The following SLC2A13 variants were observed in gnomAD, a reference collection of about 807,000 sequenced individuals.
SLC2A13 encodes the protein proton myo-inositol cotransporter.
SLC2A13 carries 32 observed loss-of-function variants against 64.4 expected under a neutral mutation model. The observed-to-expected ratio is 0.50, with a 90% confidence interval of 0.37 to 0.67. The LOEUF (loss-of-function observed/expected upper bound fraction) is 0.67. SLC2A13 is among the 30% of genes least tolerant of loss of function. The pLI is 0.00. For synonymous variants in SLC2A13, 338 were observed against 327.1 expected, an observed-to-expected ratio of 1.03 and a Z score of -0.36; for missense variants, 743 against 829.2, an observed-to-expected ratio of 0.90 and a Z score of 1.28.
intron 4 of SLC2A13, among the ~76,000 whole-genome samples, chr12:39,905,462 T>C (rs1221934196): frequency 6.6e-6 from 1 of 152,180 alleles, no homozygotes; most frequent in Non-Finnish European, 1.5e-5. Context: ...ATCATGATTT[T>C]AATTAAGTTT....
intron 5 of SLC2A13, among the ~76,000 whole-genome samples, chr12:39,869,039 G>T (rs1299483808): frequency 6.6e-6 from 1 of 151,996 alleles, no homozygotes; most frequent in Non-Finnish European, 1.5e-5. Flanking sequence ...CTGAATCAAA[G>T]GTTAAAAATT....
chr12:39,990,419 G>A (rs1395434719), intron 3 of SLC2A13, among the ~76,000 whole-genome samples: 3 of 152,144 alleles, frequency 2.0e-5, no homozygotes, highest in Admixed American at 6.5e-5. Context: ...ACATGTTCCA[G>A]CAGTGCATTC....
chr12:40,048,558 T>A (rs560090449), intron 1 of SLC2A13, among the ~76,000 whole-genome samples: 2 of 152,172 alleles, frequency 1.3e-5, no homozygotes, highest in Non-Finnish European at 2.9e-5. Context: ...TACTGAAATA[T>A]TTTTAGTCTA....
Position 39,809,553 on chromosome 12 carries a change from C to T in SLC2A13, c.1445+20550G>A, listed in dbSNP as rs527593791. ...TAAGTTTTAGGGTACATGTGCACAACGTGCAGGTTTGTTACATATGTACAC... is the reference window on the plus strand; with the variant it reads ...TAAGTTTTAGGGTACATGTGCACAATGTGCAGGTTTGTTACATATGTACAC... On this transcript the variant is annotated intron_variant, in intron 7 of 9. Transcript: ENST00000280871. Among the ~76,000 whole-genome samples the T allele has an allele frequency of 1.5e-4, 23 of 152,174 alleles. No homozygotes were observed. The South Asian group carries it at 1.7e-3, about 11-fold the overall frequency.
intron 3 of SLC2A13, among the ~76,000 whole-genome samples, chr12:39,981,176 T>A: frequency 6.8e-6 from 1 of 147,620 alleles, no homozygotes; most frequent in African/African-American, 2.5e-5. Context: ...TTCAAAGCAG[T>A]GTGTAGAGGG....
intron 3 of SLC2A13, among the ~76,000 whole-genome samples, chr12:39,967,009 C>T (rs559959092): frequency 6.6e-6 from 1 of 152,178 alleles, no homozygotes; most frequent in African/African-American, 2.4e-5. Context: ...TATTTTGAGG[C>T]ATGTCTGCAG....
chr12:39,870,495 C>G (rs1944018860), intron 5 of SLC2A13, among the ~76,000 whole-genome samples: 1 of 152,188 alleles, frequency 6.6e-6, no homozygotes, highest in South Asian at 2.1e-4. Flanking sequence ...TCTGTGTCCT[C>G]ATAACATCTA....
chr12:39,794,326 C>A (rs1255840849), intron 7 of SLC2A13, among the ~76,000 whole-genome samples: 1 of 152,082 alleles, frequency 6.6e-6, no homozygotes, highest in Non-Finnish European at 1.5e-5. Flanking sequence ...TTCTGACAGA[C>A]ACTCTTTAGT....
chr12:39,850,412 T>C (rs969673502), intron 6 of SLC2A13, among the ~76,000 whole-genome samples: 20 of 152,174 alleles, frequency 1.3e-4, no homozygotes, highest in African/African-American at 4.6e-4. Context: ...CATTGTTAGT[T>C]TGCATAAGAA....
At chr12:39,782,183 G>A (rs538820401) in intron 7 of SLC2A13, among the ~76,000 whole-genome samples, 12 of 152,244 alleles carry the variant, frequency 7.9e-5, no homozygotes, top group African/African-American at 2.4e-4. Flanking sequence ...AAAGTAAGAG[G>A]CAGTCTGCTG....
intron 6 of SLC2A13, among the ~76,000 whole-genome samples, chr12:39,860,055 A>C (rs1943715589): frequency 1.3e-5 from 2 of 152,206 alleles, no homozygotes; most frequent in Admixed American, 6.5e-5. Flanking sequence ...ATAGAAAAAG[A>C]AGCTGTTGTG....
At chr12:40,045,487 C>A (rs1948156636) in intron 2 of SLC2A13, among the ~76,000 whole-genome samples, 1 of 150,036 alleles carries the variant, frequency 6.7e-6, no homozygotes, top group Admixed American at 6.7e-5. Flanking sequence ...TTGCTTATAA[C>A]CACATTCCTA....
At chr12:40,000,675 T>C (rs909764610) in intron 3 of SLC2A13, among the ~76,000 whole-genome samples, 1 of 152,350 alleles carries the variant, frequency 6.6e-6, no homozygotes. Flanking sequence ...TATCCCGACA[T>C]GTTCTTTCCT....
intron 4 of SLC2A13, among the ~76,000 whole-genome samples, chr12:39,891,165 T>C (rs1944599010): frequency 6.7e-6 from 1 of 150,044 alleles, no homozygotes; most frequent in Non-Finnish European, 1.5e-5. Context: ...CTAGGATGCT[T>C]GTCCTCTGGG....
intron 7 of SLC2A13, among the ~76,000 whole-genome samples, chr12:39,778,835 C>A (rs1317928597): frequency 6.6e-6 from 1 of 152,208 alleles, no homozygotes; most frequent in African/African-American, 2.4e-5. Context: ...AACCATTTAG[C>A]AACATCTATA....
chr12:39,997,410 T>G (rs1565582530), intron 3 of SLC2A13, among the ~76,000 whole-genome samples: 1 of 152,042 alleles, frequency 6.6e-6, no homozygotes, highest in Non-Finnish European at 1.5e-5. Context: ...GACTTAAACC[T>G]AAGACAATTC....
chr12:39,855,450 C>A (rs1288853706), intron 6 of SLC2A13, among the ~76,000 whole-genome samples: 1 of 152,140 alleles, frequency 6.6e-6, no homozygotes, highest in Admixed American at 6.5e-5. Context: ...TGTCATGGCC[C>A]TGGGGAAATG....
intron 3 of SLC2A13, among the ~76,000 whole-genome samples, chr12:39,996,045 T>C (rs1006345080): frequency 2.0e-5 from 3 of 152,208 alleles, no homozygotes; most frequent in Non-Finnish European, 2.9e-5. Context: ...GCTGAAAACA[T>C]ACCAGTTGGA....
intron 4 of SLC2A13, among the ~76,000 whole-genome samples, chr12:39,883,849 G>C (rs1480299332): frequency 6.6e-6 from 1 of 152,138 alleles, no homozygotes; most frequent in African/African-American, 2.4e-5. Context: ...GAACATGCAG[G>C]ATGAAGTGAA....
Sources: gnomAD v4.1 joint callset for allele counts (sites outside exome capture counted in the v4.1 genomes callset) on GRCh38, gnomAD v4.1.1 for gene constraint, MANE v1.5 for transcripts, NCBI Gene and HGNC (gene_info 2026-07-23, HGNC 2026-07-21) for gene names.